The following STK10 variants were observed in gnomAD, a reference collection of about 807,000 sequenced individuals.
STK10 encodes the protein serine/threonine-protein kinase 10.
Under a neutral mutation model 113.8 loss-of-function variants are expected in STK10, and 78 were observed. The ratio of observed to expected loss-of-function variants is 0.69; its 90% CI spans 0.57 to 0.83. The LOEUF is 0.83. STK10 is among the 40% of genes least tolerant of loss of function. The probability of loss-of-function intolerance (pLI) is 0.00; values close to 1 mark genes in which losing one functional copy is unlikely to be tolerated. For missense variants in STK10, 1,109 were observed against 1,280.1 expected, an observed-to-expected ratio of 0.87 and a Z score of 2.04; for synonymous variants, 465 against 494.7, an observed-to-expected ratio of 0.94 and a Z score of 0.80.
intron 1 of STK10, among the ~76,000 whole-genome samples, chr5:172,159,760 T>G (rs554006672): frequency 4.0e-5 from 6 of 151,474 alleles, no homozygotes; most frequent in African/African-American, 1.5e-4. Flanking sequence ...AAGGCAGAGG[T>G]TGCAGTGAGC....
At chr5:172,107,160 A>G (rs1457653371) in intron 5 of STK10, 1 of 237,012 alleles carries the variant, frequency 4.2e-6, no homozygotes, top group East Asian at 9.6e-5. Context: ...AGACACCAGC[A>G]CAGAGAGGAG....
chr5:172,080,725 T>C (rs1340120913), intron 12 of STK10, among the ~76,000 whole-genome samples: 2 of 152,200 alleles, frequency 1.3e-5, no homozygotes, highest in Non-Finnish European at 2.9e-5. Context: ...CAGAGGTTGG[T>C]TCATGATGTT....
chr5:172,155,253 T>C (rs1770324145), intron 2 of STK10, among the ~76,000 whole-genome samples: 1 of 152,104 alleles, frequency 6.6e-6, no homozygotes, highest in Non-Finnish European at 1.5e-5. Context: ...ATCCCAGCAT[T>C]TTGGGCAGCC....
intron 2 of STK10, among the ~76,000 whole-genome samples, chr5:172,150,129 G>A: frequency 6.6e-6 from 1 of 150,616 alleles, no homozygotes; most frequent in African/African-American, 2.4e-5. Context: ...TTAGGAAACA[G>A]AGGCCCAGGA....
At chr5:172,115,996 C>T (rs1237105919) in intron 4 of STK10, among the ~76,000 whole-genome samples, 4 of 152,214 alleles carry the variant, frequency 2.6e-5, no homozygotes, top group Non-Finnish European at 1.5e-5. Flanking sequence ...GCTGAAGTAA[C>T]TAACCATAGG....
intron 12 of STK10, among the ~76,000 whole-genome samples, chr5:172,074,353 G>A (rs10061054): frequency 0.21 from 31,854 of 152,052 alleles, 4,323 homozygotes; most frequent in African/African-American, 0.38. Context: ...CAAATAGATC[G>A]GTGAAACAGC....
intron 6 of STK10, 21 bp from the exon 7 acceptor site, chr5:172,105,758 G>A (rs1769089644): frequency 6.2e-7 from 1 of 1,611,790 alleles, no homozygotes; most frequent in Non-Finnish European, 8.5e-7. Context: ...AGGCGTCAGA[G>A]GTAAGCATGG....
chr5:172,078,619 TAAAAAAAAAAAAAAAA>T (rs58823824), intron 12 of STK10, among the ~76,000 whole-genome samples: 2 of 72,824 alleles, frequency 2.7e-5, no homozygotes, highest in African/African-American at 3.7e-5. Context: ...GCCTCATCAT[TAAAAAAAAAAAAAAAA>T]AAAAAAAAAA....
intron 9 of STK10, among the ~76,000 whole-genome samples, chr5:172,091,474 C>A (rs769010376): frequency 2.4e-4 from 36 of 151,916 alleles, no homozygotes; most frequent in Non-Finnish European, 3.8e-4. Flanking sequence ...TGAAGGTGTC[C>A]CCATAACCCT....
intron 7 of STK10, among the ~76,000 whole-genome samples, chr5:172,103,789 A>C (rs561238189): frequency 5.1e-4 from 77 of 152,288 alleles, no homozygotes; most frequent in African/African-American, 1.8e-3. Flanking sequence ...CTATGCATCA[A>C]GCATTCCTGG....
At chr5:172,063,782 G>C (rs1767986812) in intron 13 of STK10, among the ~76,000 whole-genome samples, 1 of 152,182 alleles carries the variant, frequency 6.6e-6, no homozygotes. Flanking sequence ...TCTGCGAATG[G>C]GAAAATGAAC....
intron 12 of STK10, among the ~76,000 whole-genome samples, chr5:172,078,619 T>TAAAAAAAAAAAAAAAAAAAAAAAAAA (rs58823824): frequency 1.4e-5 from 1 of 72,878 alleles, no homozygotes; most frequent in African/African-American, 3.6e-5. Context: ...GCCTCATCAT[T>TAAAAAAAAAAAAAAAAAAAAAAAAAA]AAAAAAAAAA....
Position 172,082,720 on chromosome 5 carries a change from A to C in STK10, c.1810-215T>G, listed in dbSNP as rs73801841. On this transcript the variant is annotated intron_variant, in intron 11 of 18. Transcript: ENST00000176763. The surrounding 1 kb of genome is among the most constrained non-coding windows in gnomAD (Gnocchi z 4.3). Reference sequence around the variant, plus strand: ...GGGAGACCAGACCATGTGTTGTTGCACGGTGCTCAATACAGGTTATTTCCC... The same window carrying C: ...GGGAGACCAGACCATGTGTTGTTGCCCGGTGCTCAATACAGGTTATTTCCC... Among the ~76,000 whole-genome samples the C allele has an allele frequency of 0.041, 6,225 of 152,242 alleles. 428 individuals carry two copies. Among genetic ancestry groups the C allele is most frequent in the African/African-American group, 0.14 (5,870 of 41,516 alleles).
chr5:172,105,591 A>G, intron 7 of STK10, 65 bp downstream of exon 7: 1 of 1,530,814 alleles, frequency 6.5e-7, no homozygotes. Flanking sequence ...CCCAGCGTCC[A>G]GGTCACTGGT....
At chr5:172,071,616 G>A (rs1158445121) in intron 12 of STK10, among the ~76,000 whole-genome samples, 1 of 152,094 alleles carries the variant, frequency 6.6e-6, no homozygotes, top group Non-Finnish European at 1.5e-5. Context: ...AGCATGTACA[G>A]CTACTACAGC....
chr5:172,074,745 G>A (rs1768271215), intron 12 of STK10, among the ~76,000 whole-genome samples: 1 of 152,168 alleles, frequency 6.6e-6, no homozygotes, highest in Admixed American at 6.5e-5. Flanking sequence ...GCAGCCGGGT[G>A]CGTTGGCTCA....
At position 172,087,107 on chromosome 5, in the gene STK10, A is replaced by AGTGTGTGTGTGTGTGTGTGTGTGT. The variant is rs201052929; in HGVS notation, c.1685+3101_1685+3124dup. Among the ~76,000 whole-genome samples, 284 of 128,932 alleles carry AGTGTGTGTGTGTGTGTGTGTGTGT rather than the reference A, an allele frequency of 2.2e-3. 2 individuals carry two copies. The highest frequency in any genetic ancestry group is 4.4e-3 in the African/African-American group (148 of 33,868). 84.6% of individuals were successfully genotyped at this position (128,932 alleles called of 152,430 possible). ...CCTCCCGACCCACACAGATGACACC[A>AGTGTGTGTGTGTGTGTGTGTGTGT]GTGTGTGTGTGTGTGTGTGTGTGTG... On this transcript the variant is annotated intron_variant, in intron 10 of 18. Transcript: ENST00000176763.
chr5:172,045,571 G>A (rs4868136), intron 18 of STK10: 218,403 of 399,208 alleles, frequency 0.55, 61,002 homozygotes, highest in Non-Finnish European at 0.6. Context: ...GTGGGACCAA[G>A]GCCTTCTGTA....
chr5:172,139,909 A>G (rs1014246561), intron 2 of STK10, among the ~76,000 whole-genome samples: 6 of 151,572 alleles, frequency 4.0e-5, no homozygotes, highest in Non-Finnish European at 7.4e-5. Flanking sequence ...CCAAAAAAAA[A>G]AAAAAAAAAC....
Sources: gnomAD v4.1 joint callset for allele counts (sites outside exome capture counted in the v4.1 genomes callset) on GRCh38, gnomAD v4.1.1 for gene constraint, Gnocchi (gnomAD v3.1) non-coding constraint, MANE v1.5 for transcripts, NCBI Gene and HGNC (gene_info 2026-07-23, HGNC 2026-07-21) for gene names.